The following AKAP12 variants were observed in gnomAD, a reference collection of about 807,000 sequenced individuals.
The protein encoded by AKAP12 is A-kinase anchoring protein 12.
Under a neutral mutation model 79.9 loss-of-function variants are expected in AKAP12, and 32 were observed. That is an observed-to-expected ratio of 0.40 (90% confidence interval 0.30 to 0.54). The LOEUF (loss-of-function observed/expected upper bound fraction) is 0.54, where lower values mean the gene tolerates loss of function less well. Ranked by LOEUF, AKAP12 falls within the 20% of genes least tolerant of loss-of-function variation. The probability of loss-of-function intolerance (pLI) is 0.48; values close to 1 mark genes in which losing one functional copy is unlikely to be tolerated. For missense variants in AKAP12, 2,074 were observed against 2,177.0 expected (o/e 0.95, Z 0.94); for synonymous variants, 808 against 857.0 (o/e 0.94, Z 1.00).
Position 151,349,183 on chromosome 6 carries a change from A to G in AKAP12, c.792A>G (p.Glu264=), listed in dbSNP as rs761561267. ...PPAESGQAVE[E]CKEEGEEKQE... ...CCGAATCTGGCCAAGCAGTGGAGGA[A>G]TGCAAAGAGGAAGGAGAAGAGAAAC... Residue 264 remains glutamate, a synonymous_variant, in exon 4 of 5, where the codon GAA becomes GAG. Transcript: ENST00000402676. 12 of 1,612,602 alleles carry G rather than the reference A, an allele frequency of 7.4e-6. No individual in the cohort carries two copies. In the Admixed American group the frequency reaches 1.7e-4, roughly 22 times the overall value.
In AKAP12 at chr6:151,305,804, C is replaced by G; in HGVS notation, c.220C>G (p.Leu74Val). The change falls in exon 3 of 5, where the codon CTC becomes GTC. Residue 74 changes from leucine (L) to valine (V), a missense_variant. By Grantham distance (32) the Leu-to-Val change is conservative. Coordinates refer to ENST00000402676, the MANE Select transcript of AKAP12 (RefSeq NM_005100.4). ...TINGVAEQDE[L>V]SLQEGDLNGQ... is the part of the protein sequence containing the mutation. ...CAATGGCGTAGCTGAGCAAGATGAG[C>G]TCAGCCTCCAGGAGGGTGACCTAAA... is the stretch of plus-strand genomic sequence containing the variant. The G allele has an allele frequency of 6.2e-7, 1 of 1,614,030 alleles. No homozygotes were observed. Among genetic ancestry groups the G allele is most frequent in the East Asian group, 2.2e-5 (1 of 44,870 alleles).
chr6:151,272,370 A>G (rs552335480), intron 2 of AKAP12, among the ~76,000 whole-genome samples: 2 of 150,542 alleles, frequency 1.3e-5, no homozygotes, highest in African/African-American at 2.5e-5. Context: ...CAAAAAAAAC[A>G]GTGGGGTCCA....
At position 151,350,509 on chromosome 6, in the gene AKAP12, A is replaced by C. The variant is rs1019935999; in HGVS notation, c.2118A>C (p.Ala706=). Residue 706 remains alanine (A), a synonymous_variant, in exon 4 of 5, where the codon GCA becomes GCC. Transcript: ENST00000402676. This position sits in a 1 kb window ranked among gnomAD's most constrained non-coding sequence, Gnocchi z 4.8. ...CTGATGAGGAAGGGGGACCAAAAGC[A>C]ATGGGAGGAGACCACCAGAAAGCTG... ...SSSDEEGGPK[A]MGGDHQKADE... 1 of 1,614,004 alleles carries C rather than the reference A, an allele frequency of 6.2e-7. No homozygotes were observed. Among genetic ancestry groups the C allele is most frequent in the Non-Finnish European group, 8.5e-7 (1 of 1,180,042 alleles).
chr6:151,294,573 A>T (rs940463783), intron 2 of AKAP12, among the ~76,000 whole-genome samples: 2 of 152,210 alleles, frequency 1.3e-5, no homozygotes, highest in African/African-American at 4.8e-5. Flanking sequence ...ATTTCACAGA[A>T]CGGAATTCTG....
chr6:151,352,376 C>T lies in AKAP12; in HGVS notation c.3985C>T (p.Pro1329Ser), dbSNP rs1778317769. The T allele has an allele frequency of 1.2e-6, 2 of 1,614,152 alleles. No homozygotes were observed. The highest frequency in any genetic ancestry group is 1.1e-5 in the South Asian group (1 of 91,074). The change falls in exon 4 of 5, where the codon CCT (proline) becomes TCT (serine). Residue 1329 changes from proline to serine, a missense_variant. Transcript: ENST00000402676. ...TGAACTGCAGAGTCACGCTAAGTCT[C>T]CTCCATCCCCCGTGGAGAGAGAGAT... ...ALELQSHAKS[P>S]PSPVEREMVV...
chr6:151,319,494 A>G (rs1296672776), intron 3 of AKAP12: 89 of 123,864 alleles, frequency 7.2e-4, no homozygotes, highest in African/African-American at 2.9e-3. Flanking sequence ...TCTACTATCT[A>G]TAACTATCTA....
chr6:151,325,466 C>G (rs1777498608), intron 3 of AKAP12: 3 of 985,412 alleles, frequency 3.0e-6, no homozygotes, highest in Non-Finnish European at 3.6e-6. Context: ...CTGCAGAACC[C>G]GCTGACCACT....
At chr6:151,266,755 C>G (rs1375091206) in intron 2 of AKAP12, among the ~76,000 whole-genome samples, 2 of 152,040 alleles carry the variant, frequency 1.3e-5, no homozygotes, top group Non-Finnish European at 2.9e-5. Context: ...GGTACATATA[C>G]CTGATCATTG....
Position 151,355,890 on chromosome 6 carries a change from T to G in AKAP12, c.*176T>G, listed in dbSNP as rs1426989135. Reference sequence around the variant, plus strand: ...AGAGAGCCCCTGACAATCCTGAGGCTTCATCAGGAGCTAGAGCCATTTAAC... The same window carrying G: ...AGAGAGCCCCTGACAATCCTGAGGCGTCATCAGGAGCTAGAGCCATTTAAC... On this transcript the variant is annotated 3_prime_UTR_variant, in exon 5 of 5. Coordinates refer to ENST00000402676, the MANE Select transcript of AKAP12 (RefSeq NM_005100.4). 2 of 152,592 alleles carry G rather than the reference T, an allele frequency of 1.3e-5. No homozygotes were observed. Among genetic ancestry groups the G allele is most frequent in the Non-Finnish European group, 2.9e-5 (2 of 68,038 alleles). The allele number at this position is 152,592 out of a possible 1,614,324, so 9.5% of individuals were successfully genotyped here.
At chr6:151,278,672 A>G (rs1429959853) in intron 2 of AKAP12, among the ~76,000 whole-genome samples, 1 of 148,946 alleles carries the variant, frequency 6.7e-6, no homozygotes. Context: ...GGTAGTGTCT[A>G]GTTTTTTTTT....
At position 151,352,083 on chromosome 6, in the gene AKAP12, A is replaced by G; in HGVS notation, c.3692A>G (p.Glu1231Gly). The G allele has an allele frequency of 1.2e-6, 2 of 1,614,180 alleles. No individual in the cohort carries two copies. Residue 1231 changes from glutamate (E) to glycine (G), a missense_variant, in exon 4 of 5, where the codon GAA becomes GGA. This residue lies in a region of AKAP12 where 614 missense variants were observed against 665.6 expected (regional missense o/e 0.92). Transcript: ENST00000402676. ...PPAPSSFVFQ[E>G]ETKEQSKMED... ...GCACCTTCCAGTTTTGTGTTCCAGG[A>G]AGAAACTAAAGAACAATCAAAGATG...
At chr6:151,336,498 A>G (rs1458836611) in intron 3 of AKAP12, among the ~76,000 whole-genome samples, 1 of 152,158 alleles carries the variant, frequency 6.6e-6, no homozygotes, top group Non-Finnish European at 1.5e-5. Context: ...TAATCCCAGC[A>G]CTTTGGGAGG....
At position 151,350,638 on chromosome 6, in the gene AKAP12, C is replaced by A. The variant is rs762123639; in HGVS notation, c.2247C>A (p.Ser749Arg). Reference protein sequence around the residue: ...QGSSSPEQAGSPTEGEGVSTW... With the variant: ...QGSSSPEQAGRPTEGEGVSTW... The stretch of plus-strand genomic sequence containing the variant: ...GTTCCTCCCCGGAGCAAGCTGGAAG[C>A]CCTACCGAAGGGGAGGGCGTTTCCA... Residue 749 changes from serine (S) to arginine (R), a missense_variant, in exon 4 of 5, where the codon AGC (serine) becomes AGA (arginine). By Grantham distance (110) the Ser-to-Arg change is moderately radical. Coordinates refer to ENST00000402676, the MANE Select transcript of AKAP12 (RefSeq NM_005100.4). The surrounding 1 kb of genome is among the most constrained non-coding windows in gnomAD (Gnocchi z 4.8). 6.2e-7 allele frequency: 1 copy of A among 1,614,004 alleles called. No individual in the cohort carries two copies.
At chr6:151,258,573 C>T (rs901358846) in intron 2 of AKAP12, among the ~76,000 whole-genome samples, 24 of 152,304 alleles carry the variant, frequency 1.6e-4, no homozygotes, top group African/African-American at 5.5e-4. Flanking sequence ...CTTTTGGCCA[C>T]ATAAAGAGGA....
Position 151,350,977 on chromosome 6 carries a change from A to C in AKAP12, c.2586A>C (p.Ala862=), listed in dbSNP as rs1348054276. The C allele has an allele frequency of 6.2e-7, 1 of 1,613,936 alleles. No homozygotes were observed. The highest frequency in any genetic ancestry group is 8.5e-7 in the Non-Finnish European group (1 of 1,180,028). Residue 862 remains alanine, a synonymous_variant, in exon 4 of 5, where the codon GCA becomes GCC. Transcript: ENST00000402676. The surrounding 1 kb of genome is among the most constrained non-coding windows in gnomAD (Gnocchi z 4.8). ...CTGTAGAAAGGGAGAAAATGGAGGC[A>C]CAGCAAGCCCAAAAAAGCGCAGAGC... ...YDAVEREKME[A]QQAQKSAEQP... is the part of the protein sequence containing the mutation.
At chr6:151,318,233 C>T (rs1472670927) in intron 3 of AKAP12, among the ~76,000 whole-genome samples, 3 of 152,336 alleles carry the variant, frequency 2.0e-5, no homozygotes, top group Non-Finnish European at 2.9e-5. Context: ...CCCAACCACA[C>T]TGGCCTCCTG....
intron 2 of AKAP12, among the ~76,000 whole-genome samples, chr6:151,282,954 TA>T (rs1469388986): frequency 2.0e-5 from 3 of 152,232 alleles, no homozygotes; most frequent in Non-Finnish European, 4.4e-5. Context: ...TCCCACAGTA[TA>T]GCCTGCACTC....
intron 2 of AKAP12, among the ~76,000 whole-genome samples, chr6:151,296,941 C>T (rs1045091026): frequency 2.0e-5 from 3 of 151,664 alleles, no homozygotes; most frequent in Non-Finnish European, 2.9e-5. Context: ...ATTTAGCCTC[C>T]GTCTTATTTT....
In AKAP12 at chr6:151,246,253, C is replaced by T. The variant is rs868377026; in HGVS notation, c.162+5529C>T. Reference sequence around the variant, plus strand: ...CCAACATGGCGAAACCTCGTCTCTACTAAAAACACAAAAAATTAGCTGGGT... The same window carrying T: ...CCAACATGGCGAAACCTCGTCTCTATTAAAAACACAAAAAATTAGCTGGGT... On this transcript the variant is annotated intron_variant, in intron 2 of 4. Transcript: ENST00000402676. 1.3e-5 allele frequency among the ~76,000 whole-genome samples: 2 copies of T among 152,250 alleles called. 1 individual carries two copies. Among genetic ancestry groups the T allele is most frequent in the Middle Eastern group, 6.8e-3 (2 of 294 alleles).
Sources: gnomAD v4.1 joint callset for allele counts (sites outside exome capture counted in the v4.1 genomes callset) on GRCh38, gnomAD v4.1.1 for gene constraint, gnomAD v4.1.1 regional missense constraint, Gnocchi (gnomAD v3.1) non-coding constraint, MANE v1.5 for transcripts, NCBI Gene and HGNC (gene_info 2026-07-23, HGNC 2026-07-21) for gene names.